Variants in FOXO3 observed in about 807,000 individuals in gnomAD.
FOXO3 encodes forkhead box O3, also known as forkhead box protein O3.
Under a neutral mutation model 41.9 loss-of-function variants are expected in FOXO3, and 4 were observed. That is an observed-to-expected ratio of 0.10 (90% CI 0.05 to 0.22). The LOEUF is 0.22. Ranked by LOEUF, FOXO3 falls within the 10% of genes least tolerant of loss-of-function variation. FOXO3 has a pLI of 1.00. For synonymous variants in FOXO3, 318 were observed against 389.3 expected (o/e 0.82, Z 2.16); for missense variants, 534 against 906.8 (o/e 0.59, Z 5.28).
At chr6:108,621,184 C>T (rs1488452274) in intron 1 of FOXO3, among the ~76,000 whole-genome samples, 2 of 152,150 alleles carry the variant, frequency 1.3e-5, no homozygotes, top group Non-Finnish European at 2.9e-5. Flanking sequence ...GTGTAATCAC[C>T]ATTAAGCACT....
intron 1 of FOXO3, among the ~76,000 whole-genome samples, chr6:108,603,137 A>G (rs1176319882): frequency 1.3e-5 from 2 of 149,008 alleles, no homozygotes; most frequent in African/African-American, 2.5e-5. Flanking sequence ...CTGTGGTACC[A>G]TTTTTAAGGT....
chr6:108,591,140 A>T lies in FOXO3; in HGVS notation c.621+29311A>T, dbSNP rs114875939. On this transcript the variant is annotated intron_variant, in intron 1 of 2. Transcript: ENST00000406360. ...TTACAGCATTTCACATCTCAGGTGT[A>T]GCTGGGACTTATCGGGTGACCTTTT... is the stretch of plus-strand genomic sequence containing the variant. Among the ~76,000 whole-genome samples, 1,442 of 152,334 alleles carry T rather than the reference A, an allele frequency of 9.5e-3. 19 individuals are homozygous for T. The highest frequency in any genetic ancestry group is 0.033 in the African/African-American group (1,366 of 41,564).
rs141133667 is a variant in FOXO3, at chr6:108,651,238, T to A, written c.622-12217T>A. Among the ~76,000 whole-genome samples, 203 of 152,370 alleles carry A rather than the reference T, an allele frequency of 1.3e-3. 2 individuals are homozygous for A. Among genetic ancestry groups the A allele is most frequent in the African/African-American group, 4.5e-3 (189 of 41,596 alleles). ...GGGTATTCTGGTGTGTAGCATTTAC[T>A]TTCTCTGCTTCTTTCACTGGTAACA... On this transcript the variant is annotated intron_variant, in intron 1 of 2. Coordinates refer to ENST00000406360, the MANE Select transcript of FOXO3 (RefSeq NM_001455.4).
intron 1 of FOXO3, among the ~76,000 whole-genome samples, chr6:108,585,993 GC>G (rs1273283323): frequency 2.0e-5 from 3 of 152,160 alleles, no homozygotes; most frequent in African/African-American, 7.2e-5. Flanking sequence ...CACTTTCTCA[GC>G]CGGCTTCCTA....
chr6:108,591,171 C>G (rs1214571465), intron 1 of FOXO3, among the ~76,000 whole-genome samples: 1 of 152,168 alleles, frequency 6.6e-6, no homozygotes, highest in Non-Finnish European at 1.5e-5. Context: ...CTTTTAGAAA[C>G]TGTTTATTTT....
In FOXO3 at chr6:108,665,882, G is replaced by A. The variant is rs563088214; in HGVS notation, c.*34+993G>A. Among the ~76,000 whole-genome samples the A allele has an allele frequency of 7.3e-5, 11 of 150,884 alleles. No homozygotes were observed. In the South Asian group the frequency reaches 8.4e-4, roughly 12 times the overall value. On this transcript the variant is annotated intron_variant, in intron 2 of 2. Transcript: ENST00000406360. ...TGTTTGTATGAGGGAGTACTTACTC[G>A]TGTGCTTCTGCTTGTTCACCAAACT...
At chr6:108,629,055 T>TC (rs1176486955) in intron 1 of FOXO3, among the ~76,000 whole-genome samples, 1 of 152,184 alleles carries the variant, frequency 6.6e-6, no homozygotes, top group African/African-American at 2.4e-5. Context: ...TCTCTCTGCC[T>TC]CCATTTTTCA....
At chr6:108,577,453 T>C (rs776136838) in intron 1 of FOXO3, among the ~76,000 whole-genome samples, 1 of 152,194 alleles carries the variant, frequency 6.6e-6, no homozygotes, top group Admixed American at 6.5e-5. Context: ...CTACTACACA[T>C]TGTCTAAAGA....
chr6:108,657,597 CTTT>C (rs1171382820), intron 1 of FOXO3, among the ~76,000 whole-genome samples: 4 of 152,238 alleles, frequency 2.6e-5, no homozygotes, highest in African/African-American at 9.6e-5. Flanking sequence ...CAAGCCAGTC[CTTT>C]TTTATCTTCA....
At chr6:108,594,979 G>A (rs1776837375) in intron 1 of FOXO3, among the ~76,000 whole-genome samples, 1 of 152,184 alleles carries the variant, frequency 6.6e-6, no homozygotes, top group African/African-American at 2.4e-5. Flanking sequence ...TGTGATTTTG[G>A]TGGAGATGCT....
At chr6:108,595,726 C>T (rs1345852301) in intron 1 of FOXO3, among the ~76,000 whole-genome samples, 2 of 152,156 alleles carry the variant, frequency 1.3e-5, no homozygotes, top group Non-Finnish European at 2.9e-5. Flanking sequence ...GATAAAATCT[C>T]CTCTCCTGTT....
At chr6:108,678,230 C>A (rs1173079979) in intron 2 of FOXO3, among the ~76,000 whole-genome samples, 1 of 152,184 alleles carries the variant, frequency 6.6e-6, no homozygotes, top group African/African-American at 2.4e-5. Flanking sequence ...TACGGTACAA[C>A]CTCTAAAGGT....
chr6:108,658,424 A>G (rs1054176598), intron 1 of FOXO3, among the ~76,000 whole-genome samples: 1 of 152,216 alleles, frequency 6.6e-6, no homozygotes, highest in Non-Finnish European at 1.5e-5. Context: ...GCATTCTGCC[A>G]CTAAGAAACC....
rs1775764282 is a variant in FOXO3, at chr6:108,560,964, T to G, written c.-245T>G. 1 of 1,332,314 alleles carries G rather than the reference T, an allele frequency of 7.5e-7. No individual in the cohort carries two copies. The highest frequency in any genetic ancestry group is 9.5e-7 in the Non-Finnish European group (1 of 1,050,140). The allele number at this position is 1,332,314 out of a possible 1,614,324, so 82.5% of individuals were successfully genotyped here. A position where few individuals can be genotyped will look rare whatever the true frequency, so the allele number is the denominator to read the frequency against. On this transcript the variant is annotated 5_prime_UTR_variant, in exon 1 of 3. Transcript: ENST00000406360. ...CTGGCCGCACGTCTTCAGGTCCTCC[T>G]GTTCCTGGGAGGCGGGCGCGGCAGG...
In FOXO3 at chr6:108,682,643, C is replaced by T. The variant is rs899321130; in HGVS notation, c.*2851C>T. ...TGGGCAGGGGTGCTGCCAGAGCCCTCTGCCCCTTATGTTGAGACCCTGCTT... is the reference window on the plus strand; with the variant it reads ...TGGGCAGGGGTGCTGCCAGAGCCCTTTGCCCCTTATGTTGAGACCCTGCTT... On this transcript the variant is annotated 3_prime_UTR_variant, in exon 3 of 3. Transcript: ENST00000406360. 1 of 152,294 alleles carries T rather than the reference C, an allele frequency of 6.6e-6. No individual in the cohort carries two copies. The highest frequency in any genetic ancestry group is 2.4e-5 in the African/African-American group (1 of 41,476). 9.4% of individuals were successfully genotyped at this position (152,294 alleles called of 1,614,324 possible). A position where few individuals can be genotyped will look rare whatever the true frequency, so the allele number is the denominator to read the frequency against.
intron 1 of FOXO3, among the ~76,000 whole-genome samples, chr6:108,599,229 T>C (rs1776977620): frequency 6.6e-6 from 1 of 152,212 alleles, no homozygotes; most frequent in African/African-American, 2.4e-5. Flanking sequence ...AACCTTTTTA[T>C]TGGGATTTTC....
chr6:108,640,146 G>C (rs1219072826), intron 1 of FOXO3, among the ~76,000 whole-genome samples: 1 of 152,244 alleles, frequency 6.6e-6, no homozygotes, highest in Non-Finnish European at 1.5e-5. Context: ...TTTGGAGGAA[G>C]TGATGGGTGT....
chr6:108,614,693 G>GT (rs1180797168), intron 1 of FOXO3, among the ~76,000 whole-genome samples: 1 of 149,842 alleles, frequency 6.7e-6, no homozygotes, highest in Non-Finnish European at 1.5e-5. Context: ...TATTTGGAGG[G>GT]TTTTTTGTTG....
chr6:108,670,972 G>A (rs1308128102), intron 2 of FOXO3, among the ~76,000 whole-genome samples: 2 of 152,126 alleles, frequency 1.3e-5, no homozygotes, highest in African/African-American at 4.8e-5. Flanking sequence ...GATAGAAGTG[G>A]GTAAAAAGGG....
Sources: allele counts gnomAD v4.1 joint callset (sites outside exome capture counted in the v4.1 genomes callset), GRCh38; gene constraint gnomAD v4.1.1; transcripts MANE v1.5; gene names NCBI Gene and HGNC (gene_info 2026-07-23, HGNC 2026-07-21).